ABL2: variants seen among roughly 807,000 people sequenced by gnomAD.
ABL2 encodes the protein tyrosine-protein kinase ABL2.
In ABL2, 49 loss-of-function variants were observed where a neutral mutation model predicts 107.7. The ratio of observed to expected loss-of-function variants is 0.45; its 90% CI spans 0.36 to 0.58. The LOEUF (loss-of-function observed/expected upper bound fraction) is 0.58, where lower values mean the gene tolerates loss of function less well. Ranked by LOEUF, ABL2 falls within the 20% of genes least tolerant of loss-of-function variation. ABL2 has a pLI of 0.00. For missense variants in ABL2, 1,245 were observed against 1,457.0 expected (o/e 0.85, Z 2.37); for synonymous variants, 549 against 548.6 (o/e 1.00, Z -0.01).
intron 1 of ABL2, among the ~76,000 whole-genome samples, chr1:179,154,853 A>G (rs764048284): frequency 2.6e-5 from 4 of 152,194 alleles, no homozygotes; most frequent in Non-Finnish European, 5.9e-5. Flanking sequence ...GGAAAGACTC[A>G]TCTTTAAACA....
intron 1 of ABL2, 40 bp from the exon 2 acceptor site, chr1:179,133,414 C>T (rs1056549617): frequency 3.1e-6 from 5 of 1,613,942 alleles, no homozygotes; most frequent in Non-Finnish European, 4.2e-6. Context: ...TTTTCTTAAG[C>T]TTCTTCAATA....
intron 1 of ABL2, among the ~76,000 whole-genome samples, chr1:179,191,956 G>A (rs1357664926): frequency 1.3e-5 from 2 of 152,090 alleles, no homozygotes; most frequent in African/African-American, 4.8e-5. Flanking sequence ...CATTACAAAT[G>A]GTTTTTCCTT....
chr1:179,119,743 C>G (rs552497161), intron 6 of ABL2, among the ~76,000 whole-genome samples: 6 of 152,156 alleles, frequency 3.9e-5, no homozygotes, highest in African/African-American at 1.2e-4. Context: ...TTTAATGTCT[C>G]TTTATTTTGC....
intron 1 of ABL2, among the ~76,000 whole-genome samples, chr1:179,204,084 T>C (rs756633080): frequency 6.6e-6 from 1 of 152,136 alleles, no homozygotes; most frequent in Non-Finnish European, 1.5e-5. Context: ...TGGAGTACAG[T>C]GGCCTGATCT....
At chr1:179,119,727 C>T (rs1205291034) in intron 6 of ABL2, among the ~76,000 whole-genome samples, 1 of 152,018 alleles carries the variant, frequency 6.6e-6, no homozygotes, top group African/African-American at 2.4e-5. Flanking sequence ...TTTCAACAGT[C>T]CTTTGTTTAA....
rs571740838 is a variant in ABL2, at chr1:179,126,237, C to CA, written c.687+139dup. 5.3e-5 allele frequency: 54 copies of CA among 1,010,746 alleles called. 2 individuals carry two copies. In the South Asian group the frequency reaches 8.8e-4, roughly 17 times the overall value. 62.6% of individuals were successfully genotyped at this position (1,010,746 alleles called of 1,614,324 possible). On this transcript the variant is annotated intron_variant, in intron 4 of 11. Coordinates refer to ENST00000502732, the MANE Select transcript of ABL2 (RefSeq NM_007314.4). The surrounding 1 kb of genome is among the most constrained non-coding windows in gnomAD (Gnocchi z 4.4). ...TTCAAGAGTACAAGCTCTAACATGC[C>CA]AAAAAGCCCAAACTCACAAAGCTAG...
intron 1 of ABL2, among the ~76,000 whole-genome samples, chr1:179,191,937 A>C (rs1661042791): frequency 6.6e-6 from 1 of 152,362 alleles, no homozygotes; most frequent in Non-Finnish European, 1.5e-5. Context: ...GGTTGGACCT[A>C]AGCAAAAGCA....
At chr1:179,139,667 C>T (rs1237254879) in intron 1 of ABL2, among the ~76,000 whole-genome samples, 5 of 152,122 alleles carry the variant, frequency 3.3e-5, no homozygotes, top group Non-Finnish European at 7.4e-5. Context: ...GACCCCAACC[C>T]CTGGGCCACA....
At chr1:179,149,880 A>G (rs1044408093) in intron 1 of ABL2, among the ~76,000 whole-genome samples, 2 of 152,210 alleles carry the variant, frequency 1.3e-5, no homozygotes, top group African/African-American at 4.8e-5. Context: ...GCCTGTGAAC[A>G]CAACATCCAT....
chr1:179,170,566 G>A (rs1248954412), intron 1 of ABL2, among the ~76,000 whole-genome samples: 11 of 151,764 alleles, frequency 7.2e-5, no homozygotes. Flanking sequence ...ACAGGCCCAC[G>A]TCACCATGCC....
intron 1 of ABL2, chr1:179,221,161 T>C: frequency 4.2e-6 from 1 of 239,920 alleles, no homozygotes; most frequent in Non-Finnish European, 8.6e-6. Flanking sequence ...GATGGCGATA[T>C]GAGGTTCTCA....
chr1:179,107,308 A>G lies in ABL2; in HGVS notation c.*410T>C. 1 of 237,174 alleles carries G rather than the reference A, an allele frequency of 4.2e-6. No individual in the cohort carries two copies. Among genetic ancestry groups the G allele is most frequent in the Non-Finnish European group, 8.3e-6 (1 of 120,450 alleles). 14.7% of individuals were successfully genotyped at this position (237,174 alleles called of 1,614,324 possible). On this transcript the variant is annotated 3_prime_UTR_variant, in exon 12 of 12. Coordinates refer to ENST00000502732, the MANE Select transcript of ABL2 (RefSeq NM_007314.4). ...TTTCTGCTGTCCCACCAAATTCATT[A>G]GGTAAATTGGAGCATAATCACCATT...
At chr1:179,213,351 G>C (rs564345405) in intron 1 of ABL2, among the ~76,000 whole-genome samples, 29 of 151,336 alleles carry the variant, frequency 1.9e-4, no homozygotes, top group South Asian at 4.2e-4. Flanking sequence ...CCTTTTCGTG[G>C]AGAACAGAGT....
chr1:179,190,234 T>C (rs77826874), intron 1 of ABL2, among the ~76,000 whole-genome samples: 2,101 of 152,266 alleles, frequency 0.014, 69 homozygotes, highest in African/African-American at 0.047. Flanking sequence ...CCATTTCTGA[T>C]TGATTGGCAA....
intron 1 of ABL2, among the ~76,000 whole-genome samples, chr1:179,152,294 A>C (rs1658410858): frequency 6.6e-6 from 1 of 152,226 alleles, no homozygotes; most frequent in African/African-American, 2.4e-5. Context: ...ACTGACCTCA[A>C]GTGTCAGTTT....
intron 3 of ABL2, 35 bp downstream of exon 3, chr1:179,131,269 ATGAAAAC>A: frequency 6.3e-7 from 1 of 1,592,332 alleles, no homozygotes; most frequent in Non-Finnish European, 8.6e-7. Context: ...TTAATCATTA[ATGAAAAC>A]TGAAAAGTGA....
At chr1:179,116,038 A>G (rs1213212899) in intron 8 of ABL2, among the ~76,000 whole-genome samples, 1 of 152,168 alleles carries the variant, frequency 6.6e-6, no homozygotes, top group Non-Finnish European at 1.5e-5. Flanking sequence ...CCTCGAAAAA[A>G]AAAAAAGCTC....
intron 1 of ABL2, chr1:179,201,369 C>G (rs572537284): frequency 1.3e-5 from 2 of 152,646 alleles, no homozygotes; most frequent in East Asian, 1.9e-4. Context: ...TTATGCCCAA[C>G]TTTTAAAACT....
intron 1 of ABL2, chr1:179,184,226 T>C: frequency 2.0e-6 from 1 of 508,328 alleles, no homozygotes; most frequent in South Asian, 1.9e-5. Flanking sequence ...TTGAAGATAC[T>C]AAGTCAGGTT....
Sources: gnomAD v4.1 joint callset for allele counts (sites outside exome capture counted in the v4.1 genomes callset) on GRCh38, gnomAD v4.1.1 for gene constraint, Gnocchi (gnomAD v3.1) non-coding constraint, MANE v1.5 for transcripts, NCBI Gene and HGNC (gene_info 2026-07-23, HGNC 2026-07-21) for gene names.